The following NELL1 variants were observed in gnomAD, a reference collection of about 807,000 sequenced individuals.
NELL1 encodes the protein neural EGFL like 1.
NELL1 carries 76 observed loss-of-function variants against 107.4 expected under a neutral mutation model. That is an observed-to-expected ratio of 0.71 (90% CI 0.59 to 0.86). The LOEUF (loss-of-function observed/expected upper bound fraction) is 0.86. Among genes scored for constraint, NELL1 ranks in the 40% least tolerant of loss-of-function variants. The pLI is 0.00. For synonymous variants in NELL1, 353 were observed against 341.2 expected (o/e 1.03, Z -0.38); for missense variants, 1,024 against 1,005.5 (o/e 1.02, Z -0.25).
intron 12 of NELL1, among the ~76,000 whole-genome samples, chr11:21,034,570 A>C (rs1345194362): frequency 2.6e-5 from 4 of 152,230 alleles, no homozygotes; most frequent in African/African-American, 9.6e-5. Context: ...AGTGCAATCA[A>C]ATTAGAAATC....
intron 4 of NELL1, among the ~76,000 whole-genome samples, chr11:20,850,791 A>G (rs924079363): frequency 2.6e-5 from 4 of 152,310 alleles, no homozygotes; most frequent in Non-Finnish European, 2.9e-5. Flanking sequence ...GGTGCTGGAG[A>G]AGGGATATAC....
chr11:21,072,538 T>C (rs1459096733), intron 12 of NELL1, among the ~76,000 whole-genome samples: 1 of 152,192 alleles, frequency 6.6e-6, no homozygotes, highest in Non-Finnish European at 1.5e-5. Flanking sequence ...TGGCATTTTC[T>C]ATGAGGAATA....
chr11:21,494,877 A>G (rs1438452335), intron 15 of NELL1, among the ~76,000 whole-genome samples: 1 of 152,008 alleles, frequency 6.6e-6, no homozygotes, highest in Non-Finnish European at 1.5e-5. Context: ...ATCATACATC[A>G]ATATTTATTC....
chr11:21,410,759 G>C (rs911551491), intron 15 of NELL1, among the ~76,000 whole-genome samples: 5 of 152,010 alleles, frequency 3.3e-5, no homozygotes, highest in Admixed American at 3.3e-4. Context: ...AAGGTTGCCT[G>C]CCATGAAGTC....
intron 15 of NELL1, among the ~76,000 whole-genome samples, chr11:21,401,095 T>C (rs1852086974): frequency 6.6e-6 from 1 of 151,918 alleles, no homozygotes. Context: ...CTTGCTACTT[T>C]AAATTATACA....
At position 21,560,360 on chromosome 11, in the gene NELL1, G is replaced by T. The variant is rs1008352698; in HGVS notation, c.1958G>T (p.Arg653Met). 1 of 1,595,610 alleles carries T rather than the reference G, an allele frequency of 6.3e-7. No individual in the cohort carries two copies. Among genetic ancestry groups the T allele is most frequent in the South Asian group, 1.1e-5 (1 of 88,198 alleles). ...CAGGTGTGGACCTTGAAAGAAGACA[G>T]GTGTTCTGTCTGCTCCTGCAAGGTG... Reference protein sequence around the residue: ...NGQVWTLKEDRCSVCSCKDGK... With the variant: ...NGQVWTLKEDMCSVCSCKDGK... The change falls in exon 17 of 20, where the codon AGG becomes ATG. Residue 653 changes from arginine (R) to methionine (M), a missense_variant. Transcript: ENST00000357134.
At chr11:21,244,795 G>A (rs900196822) in intron 14 of NELL1, among the ~76,000 whole-genome samples, 1 of 152,124 alleles carries the variant, frequency 6.6e-6, no homozygotes, top group Non-Finnish European at 1.5e-5. Context: ...TGACTGAGTG[G>A]TGAAGGTCAC....
intron 3 of NELL1, among the ~76,000 whole-genome samples, chr11:20,819,591 A>C (rs1433186789): frequency 6.6e-6 from 1 of 152,186 alleles, no homozygotes. Flanking sequence ...AAAATTGTCT[A>C]AAAGTTTCAG....
chr11:20,999,454 TG>T (rs1852166192), intron 12 of NELL1, among the ~76,000 whole-genome samples: 1 of 152,230 alleles, frequency 6.6e-6, no homozygotes, highest in African/African-American at 2.4e-5. Flanking sequence ...GTTCCGTGAA[TG>T]TGGGCTTCCA....
At chr11:21,124,404 A>C (rs935687379) in intron 13 of NELL1, among the ~76,000 whole-genome samples, 1 of 152,200 alleles carries the variant, frequency 6.6e-6, no homozygotes, top group Non-Finnish European at 1.5e-5. Flanking sequence ...TTCCTGGAGA[A>C]TCTGCATGGC....
chr11:21,469,380 TA>T (rs1203798681), intron 15 of NELL1, among the ~76,000 whole-genome samples: 1 of 151,932 alleles, frequency 6.6e-6, no homozygotes, highest in Non-Finnish European at 1.5e-5. Flanking sequence ...CTTGCAGGAG[TA>T]CCCATCCCCA....
At chr11:20,795,746 A>T (rs1399577217) in intron 3 of NELL1, among the ~76,000 whole-genome samples, 12 of 152,168 alleles carry the variant, frequency 7.9e-5, no homozygotes, top group Admixed American at 4.6e-4. Context: ...TGAGGAGATG[A>T]AGAAGACATT....
Position 20,724,136 on chromosome 11 carries a change from G to A in NELL1, c.184+46076G>A, listed in dbSNP as rs568187167. Among the ~76,000 whole-genome samples the A allele has an allele frequency of 4.6e-5, 7 of 152,320 alleles. No homozygotes were observed. The South Asian group carries it at 1.5e-3, about 32-fold the overall frequency. ...CTATGAAGCCATTTTTCCCTCCTAG[G>A]CCTTGGGCCTGTGATGGAAGGGGTT... On this transcript the variant is annotated intron_variant, in intron 2 of 19. Transcript: ENST00000357134.
chr11:21,228,665 G>A (rs1252743639), intron 13 of NELL1, among the ~76,000 whole-genome samples: 2 of 109,736 alleles, frequency 1.8e-5, no homozygotes, highest in Admixed American at 1.1e-4. Flanking sequence ...ATATAGGTTT[G>A]TTTCTTTTCC....
At chr11:21,519,552 T>G (rs550504228) in intron 15 of NELL1, among the ~76,000 whole-genome samples, 9 of 151,454 alleles carry the variant, frequency 5.9e-5, no homozygotes, top group Admixed American at 2.6e-4. Context: ...TTTGTTTTTT[T>G]TTTTAGATTA....
At chr11:21,083,046 A>G (rs1365074310) in intron 12 of NELL1, among the ~76,000 whole-genome samples, 1 of 152,246 alleles carries the variant, frequency 6.6e-6, no homozygotes, top group African/African-American at 2.4e-5. Flanking sequence ...GAATATTCAG[A>G]TAGAGGTCTC....
chr11:21,552,723 G>C (rs1388191361), intron 16 of NELL1, among the ~76,000 whole-genome samples: 2 of 151,750 alleles, frequency 1.3e-5, no homozygotes, highest in Admixed American at 6.6e-5. Flanking sequence ...AGAGGATCAA[G>C]ATTCAAAGGG....
In NELL1 at chr11:20,885,516, C is replaced by A; in HGVS notation, c.579C>A (p.Arg193=). ...GAATCAATTTATGGCTTGGCCAGCG[C>A]AACCAAAAGCATGGCTTATTCAAAG... The part of the protein sequence containing the change: ...PPGINLWLGQ[R]NQKHGLFKGI... The change falls in exon 5 of 20, where the codon CGC becomes CGA. Residue 193 remains arginine, a synonymous_variant. Coordinates refer to ENST00000357134, the MANE Select transcript of NELL1 (RefSeq NM_006157.5). 3 of 1,610,870 alleles carry A rather than the reference C, an allele frequency of 1.9e-6. No individual in the cohort carries two copies. Among genetic ancestry groups the A allele is most frequent in the Middle Eastern group, 1.7e-4 (1 of 6,058 alleles).
intron 15 of NELL1, among the ~76,000 whole-genome samples, chr11:21,483,580 A>G (rs895223113): frequency 2.6e-5 from 4 of 152,092 alleles, no homozygotes; most frequent in African/African-American, 9.7e-5. Flanking sequence ...CAGTTTTGCA[A>G]TATGTATCAA....
Sources: allele counts gnomAD v4.1 joint callset (sites outside exome capture counted in the v4.1 genomes callset), GRCh38; gene constraint gnomAD v4.1.1; transcripts MANE v1.5; gene names NCBI Gene and HGNC (gene_info 2026-07-23, HGNC 2026-07-21).